Variants in SLC35F1 observed in about 807,000 individuals in gnomAD.
The protein encoded by SLC35F1 is solute carrier family 35 member F1.
Under a neutral mutation model 48.7 loss-of-function variants are expected in SLC35F1, and 14 were observed. That is an observed-to-expected ratio of 0.29 (90% CI 0.19 to 0.45). The LOEUF (loss-of-function observed/expected upper bound fraction) is 0.45. Among genes scored for constraint, SLC35F1 ranks in the 20% least tolerant of loss-of-function variants. The pLI is 1.00. For synonymous variants in SLC35F1, 190 were observed against 202.2 expected (o/e 0.94, Z 0.51); for missense variants, 404 against 500.0 (o/e 0.81, Z 1.83).
At chr6:117,950,770 A>T (rs1201011062) in intron 1 of SLC35F1, among the ~76,000 whole-genome samples, 2 of 152,252 alleles carry the variant, frequency 1.3e-5, no homozygotes, top group Non-Finnish European at 2.9e-5. Flanking sequence ...AACAGTAAAC[A>T]TGATTAAAAC....
intron 1 of SLC35F1, among the ~76,000 whole-genome samples, chr6:118,015,440 C>T (rs529027794): frequency 6.6e-6 from 1 of 152,062 alleles, no homozygotes; most frequent in South Asian, 2.1e-4. Context: ...TCCTCTCCTT[C>T]CTTGTACCCT....
intron 1 of SLC35F1, among the ~76,000 whole-genome samples, chr6:117,923,589 A>G (rs1172566114): frequency 2.0e-5 from 1 of 49,438 alleles, no homozygotes; most frequent in Non-Finnish European, 4.6e-5. Flanking sequence ...GTGTGTATAT[A>G]TACATATGTG....
chr6:118,036,850 C>A (rs1457698010), intron 1 of SLC35F1, among the ~76,000 whole-genome samples: 2 of 152,176 alleles, frequency 1.3e-5, no homozygotes, highest in Non-Finnish European at 2.9e-5. Context: ...TGTAAGCCAC[C>A]ATGGCAGGGC....
chr6:118,166,975 A>T (rs1484291989), intron 2 of SLC35F1, among the ~76,000 whole-genome samples: 1 of 152,196 alleles, frequency 6.6e-6, no homozygotes, highest in Non-Finnish European at 1.5e-5. Context: ...ATTACATCTT[A>T]TTCAGATTTC....
chr6:117,999,568 G>GAAAAAA (rs35917912), intron 1 of SLC35F1: 2 of 430,926 alleles, frequency 4.6e-6, no homozygotes, highest in Non-Finnish European at 7.9e-6. Flanking sequence ...CCTGAGGCAG[G>GAAAAAA]AAAAAAAAAA....
At chr6:118,244,928 G>C (rs939564222) in intron 3 of SLC35F1, among the ~76,000 whole-genome samples, 1 of 152,156 alleles carries the variant, frequency 6.6e-6, no homozygotes, top group Non-Finnish European at 1.5e-5. Context: ...CCAGCTATTG[G>C]GCAAGGCAAC....
rs577515607 is a variant in SLC35F1, at chr6:118,237,580, G to T, written c.477+1944G>T. ...AATTTTTGTAGTTTTTCTAGAGATG[G>T]GATTTCCCCATGTTGCCCAGGCTGG... On this transcript the variant is annotated intron_variant, in intron 3 of 7. Coordinates refer to ENST00000360388, the MANE Select transcript of SLC35F1 (RefSeq NM_001029858.4). 1.5e-3 allele frequency among the ~76,000 whole-genome samples: 233 copies of T among 152,142 alleles called. 1 individual carries two copies. The highest frequency in any genetic ancestry group is 5.5e-3 in the African/African-American group (228 of 41,508).
chr6:117,945,607 G>A (rs1015857975), intron 1 of SLC35F1, among the ~76,000 whole-genome samples: 2 of 152,168 alleles, frequency 1.3e-5, no homozygotes, highest in African/African-American at 4.8e-5. Context: ...AAAGTTAGTA[G>A]CAGCATTCTT....
intron 1 of SLC35F1, among the ~76,000 whole-genome samples, chr6:118,092,418 G>T (rs1357696524): frequency 2.0e-5 from 3 of 152,354 alleles, no homozygotes; most frequent in South Asian, 4.2e-4. Context: ...CAGAAGTTTG[G>T]TGCATGGGCA....
At chr6:118,170,356 G>A (rs911999422) in intron 2 of SLC35F1, among the ~76,000 whole-genome samples, 1 of 152,186 alleles carries the variant, frequency 6.6e-6, no homozygotes, top group African/African-American at 2.4e-5. Flanking sequence ...TTGCTAATAT[G>A]TTTATATGCT....
At chr6:117,931,380 A>G (rs991961750) in intron 1 of SLC35F1, among the ~76,000 whole-genome samples, 7 of 152,230 alleles carry the variant, frequency 4.6e-5, no homozygotes, top group African/African-American at 1.7e-4. Context: ...CTCAGGCATG[A>G]TAAACCTGCA....
intron 1 of SLC35F1, among the ~76,000 whole-genome samples, chr6:118,026,389 T>C (rs1450128232): frequency 6.6e-6 from 1 of 152,182 alleles, no homozygotes; most frequent in Non-Finnish European, 1.5e-5. Context: ...TTACAGATAA[T>C]ACATTTAGTT....
chr6:118,081,355 G>T (rs1289334160), intron 1 of SLC35F1, among the ~76,000 whole-genome samples: 1 of 152,058 alleles, frequency 6.6e-6, no homozygotes, highest in Non-Finnish European at 1.5e-5. Flanking sequence ...ATCATGCCAG[G>T]CATGATGTCT....
chr6:118,283,648 G>T (rs1326499202), intron 6 of SLC35F1, among the ~76,000 whole-genome samples: 3 of 152,196 alleles, frequency 2.0e-5, no homozygotes, highest in African/African-American at 7.2e-5. Flanking sequence ...ATTATTTTTA[G>T]TGGATTAATT....
intron 1 of SLC35F1, among the ~76,000 whole-genome samples, chr6:118,020,659 T>C (rs1777381987): frequency 6.6e-6 from 1 of 152,194 alleles, no homozygotes; most frequent in Non-Finnish European, 1.5e-5. Context: ...CCCCTTATAG[T>C]ACAGATGCAG....
intron 1 of SLC35F1, among the ~76,000 whole-genome samples, chr6:117,938,508 G>A (rs558359603): frequency 1.4e-3 from 215 of 152,342 alleles, no homozygotes; most frequent in Non-Finnish European, 2.9e-3. Context: ...TCTCTGCAGG[G>A]CTCACTGCCC....
chr6:118,163,556 C>T (rs1180427477), intron 2 of SLC35F1, among the ~76,000 whole-genome samples: 1 of 152,172 alleles, frequency 6.6e-6, no homozygotes, highest in Non-Finnish European at 1.5e-5. Flanking sequence ...AGGGGAGAGG[C>T]TGTCTGCCTG....
chr6:118,156,835 A>C (rs544946802), intron 2 of SLC35F1, among the ~76,000 whole-genome samples: 1 of 152,218 alleles, frequency 6.6e-6, no homozygotes, highest in South Asian at 2.1e-4. Context: ...GTTCTTGTAC[A>C]TCTCACTTTT....
At position 117,907,595 on chromosome 6, in the gene SLC35F1, C is replaced by T; in HGVS notation, c.-132C>T. On this transcript the variant is annotated 5_prime_UTR_variant, in exon 1 of 8. Coordinates refer to ENST00000360388, the MANE Select transcript of SLC35F1 (RefSeq NM_001029858.4). Reference sequence around the variant, plus strand: ...AGCCGCGGGTGCCTCCCCGCCTCACCGCTTCGCAGGCAGCACCGCCTCCCG... The same window carrying T: ...AGCCGCGGGTGCCTCCCCGCCTCACTGCTTCGCAGGCAGCACCGCCTCCCG... The T allele has an allele frequency of 2.1e-6, 1 of 466,020 alleles. No individual in the cohort carries two copies. The highest frequency in any genetic ancestry group is 3.6e-6 in the Non-Finnish European group (1 of 279,568). 28.9% of individuals were successfully genotyped at this position (466,020 alleles called of 1,614,324 possible). A position where few individuals can be genotyped will look rare whatever the true frequency, so the allele number is the denominator to read the frequency against.
Sources: gnomAD v4.1 joint callset for allele counts (sites outside exome capture counted in the v4.1 genomes callset) on GRCh38, gnomAD v4.1.1 for gene constraint, MANE v1.5 for transcripts, NCBI Gene and HGNC (gene_info 2026-07-23, HGNC 2026-07-21) for gene names.